Variants in CCDC33 observed in about 807,000 individuals in gnomAD.
CCDC33 encodes coiled-coil domain containing 33.
CCDC33 carries 94 observed loss-of-function variants against 91.9 expected under a neutral mutation model. The observed-to-expected ratio is 1.02, with a 90% CI of 0.87 to 1.21. The LOEUF (loss-of-function observed/expected upper bound fraction) is 1.21, where lower values mean the gene tolerates loss of function less well. CCDC33 is among the 50% of genes most tolerant of loss of function. The pLI is 0.00. For synonymous variants in CCDC33, 396 were observed against 374.5 expected (o/e 1.06, Z -0.66); for missense variants, 940 against 935.5 (o/e 1.00, Z -0.06).
At chr15:74,224,412 A>C (rs1008615376) in intron 2 of CCDC33, among the ~76,000 whole-genome samples, 4 of 152,200 alleles carry the variant, frequency 2.6e-5, no homozygotes, top group African/African-American at 9.6e-5. Context: ...AGGGAGTCCC[A>C]TATTTGTGTC....
At chr15:74,307,821 C>T (rs988694763) in intron 11 of CCDC33, among the ~76,000 whole-genome samples, 1 of 152,098 alleles carries the variant, frequency 6.6e-6, no homozygotes, top group Non-Finnish European at 1.5e-5. Context: ...ACCTTATGAA[C>T]AACCTCAAAG....
intron 1 of CCDC33, chr15:74,209,007 C>T (rs539824043): frequency 2.8e-6 from 3 of 1,056,216 alleles, no homozygotes; most frequent in South Asian, 3.6e-5. Context: ...GTCCCCAGCA[C>T]CTGCTTTAAA....
At position 74,315,435 on chromosome 15, in the gene CCDC33, A is replaced by C. The variant is rs78838787; in HGVS notation, c.1291-14754A>C. 5.3e-5 allele frequency among the ~76,000 whole-genome samples: 8 copies of C among 152,062 alleles called. No individual in the cohort carries two copies. In the East Asian group the frequency reaches 1.5e-3, roughly 29 times the overall value. ...TGAAGACTCTGGAACCAGCTCACCC[A>C]CTCCAAGAACTTCCCTAGCCTCCTC... On this transcript the variant is annotated intron_variant, in intron 11 of 18. Transcript: ENST00000398814.
intron 1 of CCDC33, among the ~76,000 whole-genome samples, chr15:74,241,654 G>A (rs1008539020): frequency 3.3e-5 from 5 of 152,324 alleles, no homozygotes; most frequent in Non-Finnish European, 5.9e-5. Context: ...GCTCACTCTG[G>A]CGATTGGATG....
intron 2 of CCDC33, among the ~76,000 whole-genome samples, chr15:74,250,032 C>T (rs1362111074): frequency 6.6e-6 from 1 of 152,144 alleles, no homozygotes; most frequent in African/African-American, 2.4e-5. Context: ...TACTCTTTTT[C>T]CATGTGATCC....
downstream of CCDC33, chr15:74,336,313 A>G: frequency 7.2e-7 from 1 of 1,398,492 alleles, no homozygotes; most frequent in East Asian, 3.5e-5. Flanking sequence ...GAGGGTGGAG[A>G]GAAGAGGCCT....
At chr15:74,313,415 C>CTTTCT (rs1555420502) in intron 11 of CCDC33, among the ~76,000 whole-genome samples, 10 of 94,170 alleles carry the variant, frequency 1.1e-4, no homozygotes, top group Non-Finnish European at 1.7e-4. Context: ...TTCTTTCTTT[C>CTTTCT]TTTTTTTTTT....
intron 11 of CCDC33, chr15:74,300,597 T>A (rs2059775295): frequency 6.6e-6 from 1 of 152,274 alleles, no homozygotes; most frequent in Non-Finnish European, 1.5e-5. Context: ...TTTGTCTATA[T>A]CCAGTCTCAT....
intron 10 of CCDC33, among the ~76,000 whole-genome samples, chr15:74,288,919 G>GT (rs1240960619): frequency 1.3e-5 from 2 of 152,164 alleles, no homozygotes; most frequent in Non-Finnish European, 2.9e-5. Flanking sequence ...CTACCAGCCA[G>GT]GAACATAGTG....
At chr15:74,231,744 G>A (rs561482538), upstream of CCDC33, among the ~76,000 whole-genome samples, 2 of 152,298 alleles carry the variant, frequency 1.3e-5, no homozygotes, top group African/African-American at 4.8e-5. Flanking sequence ...GGCCAGGTGC[G>A]GTGGTTCACG....
At chr15:74,207,218 A>C (rs2074278822) in intron 1 of CCDC33, among the ~76,000 whole-genome samples, 1 of 152,224 alleles carries the variant, frequency 6.6e-6, no homozygotes, top group African/African-American at 2.4e-5. Context: ...GCTTAGAAGA[A>C]GCTAACAGCA....
At chr15:74,283,863 A>G (rs1174204343) in intron 10 of CCDC33, among the ~76,000 whole-genome samples, 1 of 152,164 alleles carries the variant, frequency 6.6e-6, no homozygotes, top group Non-Finnish European at 1.5e-5. Context: ...ATATCTACAC[A>G]CAGTCACAGA....
chr15:74,217,158 G>A (rs538903109), upstream of CCDC33: 6 of 701,624 alleles, frequency 8.6e-6, no homozygotes, highest in South Asian at 1.1e-4. Flanking sequence ...AACAAACAGA[G>A]GTGGGTGGGG....
upstream of CCDC33, among the ~76,000 whole-genome samples, chr15:74,215,068 G>A (rs1291383354): frequency 1.3e-5 from 2 of 152,192 alleles, no homozygotes; most frequent in African/African-American, 4.8e-5. Flanking sequence ...AATGCAAAAT[G>A]GGATGGAGGA....
In CCDC33 at chr15:74,332,800, C is replaced by T; in HGVS notation, c.1893C>T (p.Asn631=). The T allele has an allele frequency of 1.9e-6, 3 of 1,614,202 alleles. No homozygotes were observed. Among genetic ancestry groups the T allele is most frequent in the Non-Finnish European group, 1.7e-6 (2 of 1,180,030 alleles). Residue 631 remains asparagine (N), a synonymous_variant, in exon 16 of 19, where the codon AAC becomes AAT. Coordinates refer to ENST00000398814, the MANE Select transcript of CCDC33 (RefSeq NM_025055.5). ...NAKLRTELDK[N]RHQQAPIILQ... is the part of the protein sequence containing the mutation. ...AGCTGCGGACGGAGCTGGATAAGAA[C>T]CGCCACCAGCAGGCCCCCATCATTC...
At chr15:74,334,575 G>T (rs115586543) in intron 17 of CCDC33, among the ~76,000 whole-genome samples, 3,494 of 150,066 alleles carry the variant, frequency 0.023, 100 homozygotes, top group African/African-American at 0.083. Flanking sequence ...TGCAACCAGG[G>T]TCAGGGTTCC....
chr15:74,241,426 G>T (rs796825215), intron 1 of CCDC33, among the ~76,000 whole-genome samples: 90 of 152,310 alleles, frequency 5.9e-4, no homozygotes, highest in African/African-American at 2.1e-3. Flanking sequence ...GGGCAGAGGC[G>T]GGGAGGCAGG....
At chr15:74,261,125 G>T (rs1396435652) in intron 2 of CCDC33, among the ~76,000 whole-genome samples, 1 of 152,172 alleles carries the variant, frequency 6.6e-6, no homozygotes, top group East Asian at 1.9e-4. Flanking sequence ...CAATCACTGT[G>T]TCATACTGCC....
At chr15:74,331,386 A>T in intron 15 of CCDC33, 90 bp downstream of exon 15, 1 of 1,329,836 alleles carries the variant, frequency 7.5e-7, no homozygotes, top group Non-Finnish European at 1.1e-6. Flanking sequence ...CTTCAGGAGA[A>T]CCTGCGAAGA....
Sources: allele counts gnomAD v4.1 joint callset (sites outside exome capture counted in the v4.1 genomes callset), GRCh38; gene constraint gnomAD v4.1.1; transcripts MANE v1.5; gene names NCBI Gene and HGNC (gene_info 2026-07-23, HGNC 2026-07-21).